The following PRKAA2 variants were observed in gnomAD, a reference collection of about 807,000 sequenced individuals.
The protein encoded by PRKAA2 is protein kinase AMP-activated catalytic subunit alpha 2.
Under a neutral mutation model 56.3 loss-of-function variants are expected in PRKAA2, and 40 were observed. The ratio of observed to expected loss-of-function variants is 0.71; its 90% CI spans 0.55 to 0.92. PRKAA2 has a LOEUF of 0.92. PRKAA2 is among the 40% of genes least tolerant of loss of function. The pLI is 0.00. For missense variants in PRKAA2, 542 were observed against 686.9 expected, an observed-to-expected ratio of 0.79 and a Z score of 2.36; for synonymous variants, 214 against 234.2, an observed-to-expected ratio of 0.91 and a Z score of 0.79.
intron 1 of PRKAA2, among the ~76,000 whole-genome samples, chr1:56,646,834 T>A (rs1165424853): frequency 6.6e-6 from 1 of 152,204 alleles, no homozygotes; most frequent in Non-Finnish European, 1.5e-5. Context: ...TACTCATTCA[T>A]GTGTTCAAAA....
intron 1 of PRKAA2, among the ~76,000 whole-genome samples, chr1:56,655,282 T>TATATATATATATA (rs1557542428): frequency 1.1e-4 from 6 of 54,376 alleles, no homozygotes; most frequent in Non-Finnish European, 9.4e-5. Context: ...ATATATATAT[T>TATATATATATATA]TTTTTTTTTT....
At chr1:56,666,074 A>G (rs1644033813) in intron 1 of PRKAA2, among the ~76,000 whole-genome samples, 1 of 152,242 alleles carries the variant, frequency 6.6e-6, no homozygotes, top group South Asian at 2.1e-4. Context: ...TGATTAGCAC[A>G]CCAAACTTAC....
intron 1 of PRKAA2, among the ~76,000 whole-genome samples, chr1:56,661,350 A>G (rs1424409808): frequency 6.6e-6 from 1 of 152,134 alleles, no homozygotes; most frequent in Non-Finnish European, 1.5e-5. Context: ...CTTGTGTCCC[A>G]TATCCCCTTG....
intron 1 of PRKAA2, among the ~76,000 whole-genome samples, chr1:56,669,523 A>G (rs1217534132): frequency 6.6e-6 from 1 of 151,738 alleles, no homozygotes; most frequent in Non-Finnish European, 1.5e-5. Context: ...ACTGGGATCT[A>G]CCATGGTCAC....
At chr1:56,691,761 T>C (rs538889602) in intron 3 of PRKAA2, among the ~76,000 whole-genome samples, 82 of 152,342 alleles carry the variant, frequency 5.4e-4, no homozygotes, top group African/African-American at 1.9e-3. Flanking sequence ...GTTATTTCCT[T>C]TTCTTAGCAC....
rs1644329834 is a variant in PRKAA2 at position 56,706,075 on chromosome 1, T to C, written c.1294-17T>C. ...GATATTTTGTAGTTTATTATTTTTA[T>C]TGATTTTTCACTTTAGGTAGTGAAT... On this transcript the variant is annotated splice_polypyrimidine_tract_variant and intron_variant, in intron 7 of 8. Coordinates refer to ENST00000371244, the MANE Select transcript of PRKAA2 (RefSeq NM_006252.4). 2 of 1,584,740 alleles carry C rather than the reference T, an allele frequency of 1.3e-6. No individual in the cohort carries two copies. Among genetic ancestry groups the C allele is most frequent in the Non-Finnish European group, 1.7e-6 (2 of 1,163,722 alleles).
chr1:56,676,026 T>C (rs715405), intron 2 of PRKAA2, among the ~76,000 whole-genome samples: 72,380 of 152,024 alleles, frequency 0.48, 17,527 homozygotes, highest in East Asian at 0.64. Context: ...TTTAGGCTGA[T>C]CTTTGTCAGT....
intron 2 of PRKAA2, among the ~76,000 whole-genome samples, chr1:56,690,653 CT>C (rs1240951261): frequency 6.6e-6 from 1 of 152,222 alleles, no homozygotes; most frequent in Non-Finnish European, 1.5e-5. Context: ...TATCCTTTCC[CT>C]TTTTTTCTTG....
At chr1:56,686,961 C>T (rs1160950743) in intron 2 of PRKAA2, among the ~76,000 whole-genome samples, 4 of 151,486 alleles carry the variant, frequency 2.6e-5, no homozygotes, top group African/African-American at 7.3e-5. Context: ...CTCAGCTTAC[C>T]GCAACCTCCA....
intron 2 of PRKAA2, among the ~76,000 whole-genome samples, chr1:56,678,767 C>G (rs1016514071): frequency 2.0e-5 from 3 of 150,314 alleles, no homozygotes; most frequent in African/African-American, 7.4e-5. Context: ...ATGATCTCAG[C>G]TCACTGCAAC....
In PRKAA2 at chr1:56,712,986, T is replaced by C. The variant is rs1644379032; in HGVS notation, c.*5273T>C. 1 of 152,246 alleles carries C rather than the reference T, an allele frequency of 6.6e-6. No homozygotes were observed. Among genetic ancestry groups the C allele is most frequent in the South Asian group, 2.1e-4 (1 of 4,834 alleles). The allele number at this position is 152,246 out of a possible 1,614,324, so 9.4% of individuals were successfully genotyped here. ...TTTTTCATTTTGTATGTATATTACA[T>C]GATATAACTATTTTCATAGAATATA... is the stretch of plus-strand genomic sequence containing the variant. On this transcript the variant is annotated 3_prime_UTR_variant, in exon 9 of 9. Coordinates refer to ENST00000371244, the MANE Select transcript of PRKAA2 (RefSeq NM_006252.4).
At chr1:56,651,526 C>T (rs1473657866) in intron 1 of PRKAA2, among the ~76,000 whole-genome samples, 1 of 152,160 alleles carries the variant, frequency 6.6e-6, no homozygotes, top group African/African-American at 2.4e-5. Flanking sequence ...AAAGTCTCTG[C>T]TCTATGGACT....
rs1403640288 is a variant in PRKAA2 at position 56,715,268 on chromosome 1, CCTGT to C, written c.*7559_*7562del. 2.6e-5 allele frequency: 4 copies of C among 152,100 alleles called. No individual in the cohort carries two copies. Among genetic ancestry groups the C allele is most frequent in the Non-Finnish European group, 4.4e-5 (3 of 68,030 alleles). The allele number at this position is 152,100 out of a possible 1,614,324, so 9.4% of individuals were successfully genotyped here. A position where few individuals can be genotyped will look rare whatever the true frequency, so the allele number is the denominator to read the frequency against. On this transcript the variant is annotated 3_prime_UTR_variant, in exon 9 of 9. Transcript: ENST00000371244. ...TAACAAACACAAAGGAGAAAAGCAGCCTGTCTGATTGCTTATAAGCTTTTTTCAC... is the reference window on the plus strand; with the variant it reads ...TAACAAACACAAAGGAGAAAAGCAGCCTGATTGCTTATAAGCTTTTTTCAC...
chr1:56,668,488 T>C (rs1360822688), intron 1 of PRKAA2, among the ~76,000 whole-genome samples: 1 of 152,132 alleles, frequency 6.6e-6, no homozygotes, highest in African/African-American at 2.4e-5. Context: ...TAGATTCTTT[T>C]TGTGGACTGA....
intron 1 of PRKAA2, among the ~76,000 whole-genome samples, chr1:56,657,283 A>G (rs1231309741): frequency 6.6e-6 from 1 of 152,236 alleles, no homozygotes; most frequent in African/African-American, 2.4e-5. Flanking sequence ...TAAAACAGTG[A>G]AAACAAGGAA....
chr1:56,691,845 T>C (rs989385273), intron 3 of PRKAA2, among the ~76,000 whole-genome samples: 3 of 152,186 alleles, frequency 2.0e-5, no homozygotes, highest in African/African-American at 4.8e-5. Context: ...ATAATATTAA[T>C]TGAAATTTAA....
intron 2 of PRKAA2, among the ~76,000 whole-genome samples, chr1:56,689,418 A>G (rs751131969): frequency 5.3e-5 from 8 of 152,180 alleles, no homozygotes; most frequent in Non-Finnish European, 1.2e-4. Flanking sequence ...AATGATTGCC[A>G]TTCAAAATAT....
chr1:56,703,734 G>A (rs1292059034), intron 6 of PRKAA2, among the ~76,000 whole-genome samples: 6 of 152,126 alleles, frequency 3.9e-5, no homozygotes, highest in South Asian at 2.1e-4. Context: ...TCCTTAAAGC[G>A]ATGGGCTTGC....
chr1:56,692,169 C>CTACA (rs1171674724), intron 3 of PRKAA2, among the ~76,000 whole-genome samples, 189 bp from the exon 4 acceptor site: 1 of 151,518 alleles, frequency 6.6e-6, no homozygotes, highest in African/African-American at 2.4e-5. Flanking sequence ...GTAGCTGGAA[C>CTACA]TACAGGTGCA....
Sources: gnomAD v4.1 joint callset for allele counts (sites outside exome capture counted in the v4.1 genomes callset) on GRCh38, gnomAD v4.1.1 for gene constraint, MANE v1.5 for transcripts, NCBI Gene and HGNC (gene_info 2026-07-23, HGNC 2026-07-21) for gene names.